The following ACMSD variants were observed in gnomAD, a reference collection of about 807,000 sequenced individuals.
The protein encoded by ACMSD is aminocarboxymuconate semialdehyde decarboxylase, also known as 2-amino-3-carboxymuconate-6-semialdehyde decarboxylase.
ACMSD carries 37 observed loss-of-function variants against 45.9 expected under a neutral mutation model. The ratio of observed to expected loss-of-function variants is 0.81; its 90% confidence interval spans 0.62 to 1.06. ACMSD has a LOEUF of 1.06. ACMSD is among the 50% of genes least tolerant of loss of function. ACMSD has a pLI of 0.00. For synonymous variants in ACMSD, 138 were observed against 148.8 expected (o/e 0.93, Z 0.53); for missense variants, 434 against 420.9 (o/e 1.03, Z -0.27).
At chr2:134,863,162 C>T (rs1293073854) in intron 4 of ACMSD, 4 of 711,872 alleles carry the variant, frequency 5.6e-6, no homozygotes, top group Non-Finnish European at 5.2e-6. Flanking sequence ...CTGATTCTGG[C>T]CTCAATTTTT....
At chr2:134,844,812 A>C (rs1244991951) in intron 1 of ACMSD, among the ~76,000 whole-genome samples, 1 of 152,116 alleles carries the variant, frequency 6.6e-6, no homozygotes, top group African/African-American at 2.4e-5. Flanking sequence ...TTGAGTCCCT[A>C]TCCACTAAAC....
intron 8 of ACMSD, among the ~76,000 whole-genome samples, chr2:134,879,394 C>T (rs1000231600): frequency 1.3e-5 from 2 of 152,100 alleles, no homozygotes; most frequent in Admixed American, 1.3e-4. Context: ...AAAGTCCTTC[C>T]TACTTCCTCC....
At chr2:134,868,749 G>C (rs1253165213) in intron 6 of ACMSD, among the ~76,000 whole-genome samples, 1 of 151,784 alleles carries the variant, frequency 6.6e-6, no homozygotes, top group Admixed American at 6.6e-5. Flanking sequence ...CACTGCACCC[G>C]GCCTGGATTT....
intron 8 of ACMSD, among the ~76,000 whole-genome samples, chr2:134,895,337 T>TATATGTTATATATATATATATAA: frequency 6.9e-6 from 1 of 145,802 alleles, no homozygotes; most frequent in Non-Finnish European, 1.5e-5. Context: ...GTTATATATA[T>TATATGTTATATATATATATATAA]AATATATATA....
chr2:134,851,960 T>C (rs971731246), intron 2 of ACMSD, among the ~76,000 whole-genome samples: 2 of 152,230 alleles, frequency 1.3e-5, no homozygotes, highest in African/African-American at 4.8e-5. Flanking sequence ...ACTTCTCCTA[T>C]GGTTTTACTG....
chr2:134,862,756 C>T (rs1414237747), intron 4 of ACMSD, among the ~76,000 whole-genome samples: 2 of 152,232 alleles, frequency 1.3e-5, no homozygotes, highest in African/African-American at 4.8e-5. Flanking sequence ...TTGGCTACCA[C>T]TCTGATTAGA....
Position 134,863,576 on chromosome 2 carries a change from G to A in ACMSD, c.431G>A (p.Gly144Asp). The change falls in exon 5 of 10, where the codon GGC (glycine) becomes GAC (aspartate). Residue 144 changes from glycine (G) to aspartate (D), a missense_variant. Coordinates refer to ENST00000356140, the MANE Select transcript of ACMSD (RefSeq NM_138326.3). ...KELGFPGVQI[G>D]THVNEWDLNA... ...CTGGGCTTTCCCGGGGTCCAAATTG[G>A]CACCCACGTCAACGAGTGGGACCTG... is the stretch of plus-strand genomic sequence containing the variant. 1 of 1,614,184 alleles carries A rather than the reference G, an allele frequency of 6.2e-7. No homozygotes were observed. The highest frequency in any genetic ancestry group is 8.5e-7 in the Non-Finnish European group (1 of 1,180,006).
At position 134,863,478 on chromosome 2, in the gene ACMSD, C is replaced by T. The variant is rs759308097; in HGVS notation, c.333C>T (p.Phe111=). The T allele has an allele frequency of 5.4e-5, 87 of 1,614,088 alleles. No homozygotes were observed. In the Admixed American group the frequency reaches 1.4e-3, roughly 25 times the overall value. Residue 111 remains phenylalanine (F), a synonymous_variant, in exon 5 of 10, where the codon TTC becomes TTT. Coordinates refer to ENST00000356140, the MANE Select transcript of ACMSD (RefSeq NM_138326.3). The part of the protein sequence containing the change: ...ASTVVSYPRR[F]VGLGTLPMQA... Reference sequence around the variant, plus strand: ...CCGTTGTGAGCTACCCCAGGAGGTTCGTGGGTCTGGGGACGTTGCCCATGC... The same window carrying T: ...CCGTTGTGAGCTACCCCAGGAGGTTTGTGGGTCTGGGGACGTTGCCCATGC...
At chr2:134,869,776 G>A (rs1421158248) in intron 6 of ACMSD, among the ~76,000 whole-genome samples, 1 of 151,968 alleles carries the variant, frequency 6.6e-6, no homozygotes, top group Non-Finnish European at 1.5e-5. Flanking sequence ...TGCAAAGGTG[G>A]TCATTAGTGG....
At chr2:134,899,668 G>T (rs1056337386) in intron 9 of ACMSD, among the ~76,000 whole-genome samples, 1 of 151,826 alleles carries the variant, frequency 6.6e-6, no homozygotes, top group Admixed American at 6.6e-5. Flanking sequence ...CTTGCATAAA[G>T]GCTTTATACT....
rs561127808 is a variant in ACMSD at position 134,861,772 on chromosome 2, T to A, written c.200-197T>A. On this transcript the variant is annotated intron_variant, in intron 3 of 9. Coordinates refer to ENST00000356140, the MANE Select transcript of ACMSD (RefSeq NM_138326.3). ...AGTTTTCCTTGAATGATCTCATTTG[T>A]GTCCAATCTTTACTTACTTCCCTAG... 1.2e-4 allele frequency among the ~76,000 whole-genome samples: 18 copies of A among 146,074 alleles called. No individual in the cohort carries two copies. In the East Asian group the frequency reaches 1.6e-3, roughly 13 times the overall value.
At chr2:134,858,986 T>C (rs1477681769) in intron 2 of ACMSD, among the ~76,000 whole-genome samples, 1 of 148,198 alleles carries the variant, frequency 6.7e-6, no homozygotes, top group East Asian at 2.0e-4. Context: ...TGATCAGCCA[T>C]TCTCAGTCAG....
chr2:134,881,378 A>C (rs1173523568), intron 8 of ACMSD, among the ~76,000 whole-genome samples: 1 of 152,238 alleles, frequency 6.6e-6, no homozygotes. Context: ...GTAGTAAAAG[A>C]AACGGTTCAC....
At chr2:134,872,667 G>A in intron 8 of ACMSD, 26 bp downstream of exon 8, 4 of 1,613,530 alleles carry the variant, frequency 2.5e-6, no homozygotes, top group African/African-American at 1.3e-5. Context: ...CACTTGGATG[G>A]CTTATGGGGA....
At chr2:134,855,101 C>T (rs1365268422) in intron 2 of ACMSD, among the ~76,000 whole-genome samples, 1 of 152,024 alleles carries the variant, frequency 6.6e-6, no homozygotes, top group Non-Finnish European at 1.5e-5. Flanking sequence ...GACATGTGTT[C>T]CTATATCCTA....
At chr2:134,891,168 G>A (rs1206200481) in intron 8 of ACMSD, among the ~76,000 whole-genome samples, 1 of 151,920 alleles carries the variant, frequency 6.6e-6, no homozygotes. Flanking sequence ...TTTTGTTTTT[G>A]TTGCTTGTGC....
At chr2:134,865,238 C>T (rs6430552) in intron 5 of ACMSD, among the ~76,000 whole-genome samples, 76,390 of 152,040 alleles carry the variant, frequency 0.5, 20,071 homozygotes, top group Middle Eastern at 0.81. Context: ...ATATACTGAA[C>T]TCCCTGAAGC....
intron 1 of ACMSD, among the ~76,000 whole-genome samples, chr2:134,843,264 G>A (rs1686889206): frequency 6.6e-6 from 1 of 152,200 alleles, no homozygotes; most frequent in Non-Finnish European, 1.5e-5. Context: ...TGGATGCAGA[G>A]AGGAGAAACT....
chr2:134,845,554 T>TCTCTCC (rs1687016977), intron 2 of ACMSD, among the ~76,000 whole-genome samples: 5 of 119,700 alleles, frequency 4.2e-5, no homozygotes, highest in Admixed American at 8.7e-5. Flanking sequence ...TCTCTCTCTC[T>TCTCTCC]CCCCTCTCCC....
Sources: gnomAD v4.1 joint callset for allele counts (sites outside exome capture counted in the v4.1 genomes callset) on GRCh38, gnomAD v4.1.1 for gene constraint, MANE v1.5 for transcripts, NCBI Gene and HGNC (gene_info 2026-07-23, HGNC 2026-07-21) for gene names.